RBFOX1: variants seen among roughly 807,000 people sequenced by gnomAD.
The protein encoded by RBFOX1 is RNA binding fox-1 homolog 1.
RBFOX1 carries 8 observed loss-of-function variants against 57.7 expected under a neutral mutation model. The observed-to-expected ratio is 0.14, with a 90% CI of 0.08 to 0.25. The LOEUF (loss-of-function observed/expected upper bound fraction) is 0.25. Among genes scored for constraint, RBFOX1 ranks in the 10% least tolerant of loss-of-function variants. The pLI, the probability that RBFOX1 is intolerant of heterozygous loss-of-function variation, is 1.00. For missense variants in RBFOX1, 611 were observed against 548.5 expected, an observed-to-expected ratio of 1.11 and a Z score of -1.14; for synonymous variants, 326 against 222.4, an observed-to-expected ratio of 1.47 and a Z score of -4.15.
intron 2 of RBFOX1, among the ~76,000 whole-genome samples, chr16:6,467,293 A>T (rs2095071614): frequency 6.6e-6 from 1 of 151,820 alleles, no homozygotes; most frequent in Non-Finnish European, 1.5e-5. Context: ...AATAAATTGA[A>T]TTCCATTAAT....
At chr16:5,827,111 C>A (rs2056086251) in intron 3 of RBFOX1, among the ~76,000 whole-genome samples, 1 of 152,112 alleles carries the variant, frequency 6.6e-6, no homozygotes, top group South Asian at 2.1e-4. Flanking sequence ...TTTAAAGCTA[C>A]ATTGAACAGG....
At chr16:6,170,015 C>T (rs1185855524) in intron 1 of RBFOX1, among the ~76,000 whole-genome samples, 2 of 152,144 alleles carry the variant, frequency 1.3e-5, no homozygotes, top group Non-Finnish European at 2.9e-5. Flanking sequence ...GCGATCCACC[C>T]ACTTCGGCCT....
At chr16:7,192,399 G>C (rs1427087283) in intron 4 of RBFOX1, among the ~76,000 whole-genome samples, 2 of 152,124 alleles carry the variant, frequency 1.3e-5, no homozygotes, top group African/African-American at 4.8e-5. Flanking sequence ...TGTTTGCTTA[G>C]GAGCTTTAGA....
rs556103504 is a variant in RBFOX1 at position 6,727,681 on chromosome 16, C to T, written c.-16+73031C>T. Reference sequence around the variant, plus strand: ...AAGGTAGAAATGAGGAATGTGTCTACTTACAAATGTCCCTGGTACACCTAT... The same window carrying T: ...AAGGTAGAAATGAGGAATGTGTCTATTTACAAATGTCCCTGGTACACCTAT... On this transcript the variant is annotated intron_variant, in intron 3 of 15. Transcript: ENST00000550418. Among the ~76,000 whole-genome samples, 3 of 152,234 alleles carry T rather than the reference C, an allele frequency of 2.0e-5. No individual in the cohort carries two copies. The South Asian group carries it at 6.2e-4, about 32-fold the overall frequency.
rs377250915 is a variant in RBFOX1 at position 6,636,798 on chromosome 16, T to TAA, written c.-63-17805_-63-17804insAA. Among the ~76,000 whole-genome samples the TAA allele has an allele frequency of 1.5e-3, 7 of 4,720 alleles. 1 individual carries two copies. The highest frequency in any genetic ancestry group is 1.7e-3 in the Non-Finnish European group (1 of 576). 3.1% of individuals were successfully genotyped at this position (4,720 alleles called of 152,430 possible). On this transcript the variant is annotated intron_variant, in intron 2 of 15. Transcript: ENST00000550418. Reference sequence around the variant, plus strand: ...TAATATATATAATATATAATATATGTTATATATAATATATAATATATAATA... The same window carrying TAA: ...TAATATATATAATATATAATATATGTAATATATATAATATATAATATATAATA...
intron 3 of RBFOX1, among the ~76,000 whole-genome samples, chr16:6,755,382 A>C (rs1255528861): frequency 2.0e-5 from 3 of 152,096 alleles, no homozygotes; most frequent in Non-Finnish European, 4.4e-5. Flanking sequence ...CTGACTTTTT[A>C]ATGATTGCCA....
intron 3 of RBFOX1, among the ~76,000 whole-genome samples, chr16:6,688,749 A>G (rs1186601494): frequency 6.6e-6 from 1 of 152,126 alleles, no homozygotes; most frequent in Non-Finnish European, 1.5e-5. Flanking sequence ...TCAACCCATC[A>G]TCTACATTAG....
intron 3 of RBFOX1, among the ~76,000 whole-genome samples, chr16:6,995,705 G>C (rs2092148808): frequency 6.6e-6 from 1 of 151,732 alleles, no homozygotes; most frequent in African/African-American, 2.4e-5. Context: ...AGGTTGCAGT[G>C]AGCCAAGATC....
chr16:6,933,012 G>C (rs1182270641), intron 3 of RBFOX1, among the ~76,000 whole-genome samples: 2 of 152,090 alleles, frequency 1.3e-5, no homozygotes, highest in African/African-American at 4.8e-5. Context: ...TTTTGTTACT[G>C]GTTTATTTCA....
intron 3 of RBFOX1, among the ~76,000 whole-genome samples, chr16:5,817,597 G>A (rs2055688356): frequency 6.6e-6 from 1 of 151,874 alleles, no homozygotes; most frequent in Non-Finnish European, 1.5e-5. Flanking sequence ...AAGCCCAGCT[G>A]GAGAGGGGAG....
chr16:5,833,898 C>G (rs2151832494), intron 3 of RBFOX1, among the ~76,000 whole-genome samples: 1 of 152,332 alleles, frequency 6.6e-6, no homozygotes, highest in South Asian at 2.1e-4. Flanking sequence ...ATATACTACT[C>G]TCCCTCTCCA....
chr16:5,698,378 G>A (rs2050915077), intron 3 of RBFOX1, among the ~76,000 whole-genome samples: 1 of 152,028 alleles, frequency 6.6e-6, no homozygotes, highest in Admixed American at 6.6e-5. Flanking sequence ...AGATAGACAA[G>A]GCAACTTTGA....
At chr16:5,837,965 G>A (rs1876731543) in intron 3 of RBFOX1, among the ~76,000 whole-genome samples, 1 of 152,258 alleles carries the variant, frequency 6.6e-6, no homozygotes, top group East Asian at 1.9e-4. Context: ...GGCAACACAG[G>A]TACAGCATTC....
At chr16:6,374,398 T>C (rs1051631864) in intron 2 of RBFOX1, among the ~76,000 whole-genome samples, 1 of 152,218 alleles carries the variant, frequency 6.6e-6, no homozygotes, top group African/African-American at 2.4e-5. Flanking sequence ...TTTATCCTTT[T>C]CTATTTTCTC....
At chr16:7,279,710 C>T (rs569948085) in intron 4 of RBFOX1, among the ~76,000 whole-genome samples, 48 of 152,286 alleles carry the variant, frequency 3.2e-4, no homozygotes, top group African/African-American at 7.5e-4. Flanking sequence ...GCATAATGGG[C>T]GACGTAAGCT....
chr16:5,498,501 G>T (rs1163961156), intron 2 of RBFOX1, among the ~76,000 whole-genome samples: 1 of 152,136 alleles, frequency 6.6e-6, no homozygotes, highest in Non-Finnish European at 1.5e-5. Flanking sequence ...CAGTTTCTTT[G>T]ATTTGTGTTT....
chr16:7,693,561 C>T (rs2077885134), intron 14 of RBFOX1, among the ~76,000 whole-genome samples: 1 of 151,370 alleles, frequency 6.6e-6, no homozygotes, highest in East Asian at 1.9e-4. Flanking sequence ...AGGCATTTTG[C>T]TAACTTTGAT....
intron 3 of RBFOX1, among the ~76,000 whole-genome samples, chr16:6,735,988 T>C (rs2070167202): frequency 0.019 from 1 of 52 alleles, no homozygotes; most frequent in East Asian, 0.25. Context: ...CTGGGCCTGC[T>C]CAAGGGTAAT....
chr16:5,776,551 C>T (rs1426119768), intron 3 of RBFOX1, among the ~76,000 whole-genome samples: 1 of 152,220 alleles, frequency 6.6e-6, no homozygotes, highest in South Asian at 2.1e-4. Context: ...CACTAGTCTG[C>T]ACCACGTACT....
Sources: gnomAD v4.1 joint callset for allele counts (sites outside exome capture counted in the v4.1 genomes callset) on GRCh38, gnomAD v4.1.1 for gene constraint, MANE v1.5 for transcripts, NCBI Gene and HGNC (gene_info 2026-07-23, HGNC 2026-07-21) for gene names.